The following NXPE2 variants were observed in gnomAD, a reference collection of about 807,000 sequenced individuals.
The protein encoded by NXPE2 is neurexophilin and PC-esterase domain family member 2.
A neutral mutation model predicts 34.4 loss-of-function variants in NXPE2; 34 were observed. The ratio of observed to expected loss-of-function variants is 0.99; its 90% CI spans 0.75 to 1.31. NXPE2 has a LOEUF of 1.31. Among genes scored for constraint, NXPE2 ranks in the 40% most tolerant of loss-of-function variants. The pLI, the probability that NXPE2 is intolerant of heterozygous loss-of-function variation, is 0.00. For synonymous variants in NXPE2, 235 were observed against 231.3 expected (o/e 1.02, Z -0.15); for missense variants, 649 against 672.5 (o/e 0.97, Z 0.39).
At chr11:114,807,838 C>T in the NXPE2 span, among the ~76,000 whole-genome samples, 11 of 152,092 alleles carry the variant, frequency 7.2e-5, no homozygotes, top group African/African-American at 2.7e-4. Context: ...CTGCACCAAG[C>T]AGACCTAATA....
At position 114,698,398 on chromosome 11, in the gene NXPE2, T is replaced by C; in HGVS notation, c.486T>C (p.Gly162=). The C allele has an allele frequency of 6.2e-7, 1 of 1,611,384 alleles. No individual in the cohort carries two copies. Among genetic ancestry groups the C allele is most frequent in the Non-Finnish European group, 8.5e-7 (1 of 1,179,156 alleles). The stretch of plus-strand genomic sequence containing the variant: ...TGTACTCCACAGCACTAATGGCAGG[T>C]GCTTCAGGAAAGGTGACTGACTTCA... ...ARMYSTALMA[G]ASGKVTDFNN... The change falls in exon 3 of 6, where the codon GGT becomes GGC. Residue 162 remains glycine, a synonymous_variant. Transcript: ENST00000389586.
chr11:114,637,918 T>C, the NXPE2 span, among the ~76,000 whole-genome samples: 1 of 151,958 alleles, frequency 6.6e-6, no homozygotes, highest in East Asian at 1.9e-4. Context: ...CTTTCAACTT[T>C]GGTGAATCTG....
At chr11:114,549,153 CAA>C in the NXPE2 span, among the ~76,000 whole-genome samples, 1 of 151,792 alleles carries the variant, frequency 6.6e-6, no homozygotes, top group African/African-American at 2.4e-5. Context: ...ACTGAATGCA[CAA>C]AGCCAGGCTG....
chr11:114,640,566 C>G, the NXPE2 span, among the ~76,000 whole-genome samples: 37 of 151,930 alleles, frequency 2.4e-4, no homozygotes, highest in African/African-American at 8.9e-4. Flanking sequence ...AATTTACACT[C>G]CCACCCACAA....
intron 2 of NXPE2, among the ~76,000 whole-genome samples, chr11:114,697,708 A>T (rs756262712): frequency 1.3e-5 from 2 of 152,224 alleles, no homozygotes; most frequent in Non-Finnish European, 2.9e-5. Flanking sequence ...GATATAGAAA[A>T]TGATAATATG....
the NXPE2 span, among the ~76,000 whole-genome samples, chr11:114,629,359 G>C: frequency 2.0e-5 from 3 of 152,010 alleles, no homozygotes; most frequent in East Asian, 5.8e-4. Flanking sequence ...TGCAAGCCTG[G>C]TTCAATATAC....
the NXPE2 span, among the ~76,000 whole-genome samples, chr11:114,544,786 G>A: frequency 1.3e-5 from 2 of 152,226 alleles, no homozygotes; most frequent in Admixed American, 6.5e-5. Context: ...GCAGAGATAA[G>A]CCATAGAGTG....
the NXPE2 span, among the ~76,000 whole-genome samples, chr11:114,805,092 C>T: frequency 2.0e-5 from 3 of 151,986 alleles, no homozygotes; most frequent in Admixed American, 1.3e-4. Context: ...AGAGCTCACT[C>T]CTTAAATGTA....
chr11:114,807,455 T>G, the NXPE2 span, among the ~76,000 whole-genome samples: 96 of 152,070 alleles, frequency 6.3e-4, no homozygotes, highest in Middle Eastern at 3.4e-3. Flanking sequence ...CCATCTCACA[T>G]GCAGAGACAC....
At chr11:114,654,333 A>G in the NXPE2 span, among the ~76,000 whole-genome samples, 1 of 151,918 alleles carries the variant, frequency 6.6e-6, no homozygotes, top group African/African-American at 2.4e-5. Context: ...AAATCTTTGG[A>G]TCCCAACTAT....
chr11:114,673,422 G>A, the NXPE2 span, among the ~76,000 whole-genome samples: 1 of 151,158 alleles, frequency 6.6e-6, no homozygotes, highest in Non-Finnish European at 1.5e-5. Flanking sequence ...AAGGACACTG[G>A]AAAATGTAGA....
At chr11:114,604,329 T>A in the NXPE2 span, among the ~76,000 whole-genome samples, 1 of 152,074 alleles carries the variant, frequency 6.6e-6, no homozygotes, top group East Asian at 1.9e-4. Flanking sequence ...AAAATAAGTG[T>A]TGCTTCGTGG....
chr11:114,637,840 G>T, the NXPE2 span, among the ~76,000 whole-genome samples: 1 of 152,026 alleles, frequency 6.6e-6, no homozygotes, highest in Non-Finnish European at 1.5e-5. Context: ...TCTGCTGTTA[G>T]TCTGATGGGC....
At chr11:114,466,691 G>T in the NXPE2 span, among the ~76,000 whole-genome samples, 1 of 152,008 alleles carries the variant, frequency 6.6e-6, no homozygotes, top group South Asian at 2.1e-4. Context: ...ATTTAGGGTG[G>T]TATCATTCCT....
chr11:114,787,964 G>A, the NXPE2 span, among the ~76,000 whole-genome samples: 84 of 152,252 alleles, frequency 5.5e-4, 2 homozygotes, highest in South Asian at 0.017. Flanking sequence ...CCCCCTGGAG[G>A]ATCTGCAGCC....
the NXPE2 span, chr11:114,551,400 T>C: frequency 1.5e-6 from 2 of 1,345,106 alleles, no homozygotes; most frequent in Non-Finnish European, 1.9e-6. Flanking sequence ...ATACTTCTTG[T>C]CGAGGTTTCA....
At chr11:114,677,095 C>T (rs1317895422), upstream of NXPE2, among the ~76,000 whole-genome samples, 1 of 151,912 alleles carries the variant, frequency 6.6e-6, no homozygotes, top group Non-Finnish European at 1.5e-5. Context: ...AGAGTAGAAT[C>T]GTGGTTGCTG....
the NXPE2 span, among the ~76,000 whole-genome samples, chr11:114,638,055 G>T: frequency 6.6e-6 from 1 of 151,628 alleles, no homozygotes; most frequent in Non-Finnish European, 1.5e-5. Flanking sequence ...ATCCTGCAGA[G>T]TGTTTTCCAA....
At chr11:114,540,837 C>CTTTTTTTT in the NXPE2 span, among the ~76,000 whole-genome samples, 25 of 47,470 alleles carry the variant, frequency 5.3e-4, 9 homozygotes, top group Non-Finnish European at 1.1e-3. Context: ...AGAAAGCCAT[C>CTTTTTTTT]TTTTTTTTTT....
Sources: gnomAD v4.1 joint callset for allele counts (sites outside exome capture counted in the v4.1 genomes callset) on GRCh38, gnomAD v4.1.1 for gene constraint, MANE v1.5 for transcripts, NCBI Gene and HGNC (gene_info 2026-07-23, HGNC 2026-07-21) for gene names.